The following KAT7 variants were observed in gnomAD, a reference collection of about 807,000 sequenced individuals.
KAT7 encodes the protein histone acetyltransferase KAT7.
In KAT7, 10 loss-of-function variants were observed where a neutral mutation model predicts 82.1. The ratio of observed to expected loss-of-function variants is 0.12; its 90% CI spans 0.08 to 0.21. The LOEUF (loss-of-function observed/expected upper bound fraction) is 0.21. Ranked by LOEUF, KAT7 falls within the 10% of genes least tolerant of loss-of-function variation. The pLI, the probability that KAT7 is intolerant of heterozygous loss-of-function variation, is 1.00. For synonymous variants in KAT7, 250 were observed against 262.5 expected (o/e 0.95, Z 0.46); for missense variants, 378 against 760.9 (o/e 0.50, Z 5.92).
intron 11 of KAT7, among the ~76,000 whole-genome samples, chr17:49,822,632 A>G (rs1318104532): frequency 1.3e-5 from 2 of 152,198 alleles, no homozygotes; most frequent in African/African-American, 2.4e-5. Flanking sequence ...AGTGGTTTAT[A>G]GTGTATTCAC....
At position 49,796,841 on chromosome 17, in the gene KAT7, C is replaced by T; in HGVS notation, c.255C>T (p.Thr85=). The stretch of plus-strand genomic sequence containing the variant: ...TGACCCGTAGTCAGCAGCAGCCTAC[C>T]CCAGTGACACCGAAAAAATACCCTC... ...RRVTRSQQQP[T]PVTPKKYPLR... Residue 85 remains threonine, a synonymous_variant, in exon 3 of 15, where the codon ACC becomes ACT. Coordinates refer to ENST00000259021, the MANE Select transcript of KAT7 (RefSeq NM_007067.5). 6.2e-7 allele frequency: 1 copy of T among 1,614,030 alleles called. No homozygotes were observed. Among genetic ancestry groups the T allele is most frequent in the Non-Finnish European group, 8.5e-7 (1 of 1,179,972 alleles).
chr17:49,820,351 A>G (rs189539785), intron 9 of KAT7, among the ~76,000 whole-genome samples: 243 of 151,500 alleles, frequency 1.6e-3, no homozygotes, highest in African/African-American at 5.5e-3. Context: ...GCAGTGGTGC[A>G]ATGTCGGCTC....
At chr17:49,818,143 A>G (rs1037018317) in intron 9 of KAT7, 132 bp downstream of exon 9, 41 of 683,582 alleles carry the variant, frequency 6.0e-5, no homozygotes, top group Middle Eastern at 7.0e-4. Context: ...AAGGCATAGG[A>G]AATGACAGGC....
intron 4 of KAT7, among the ~76,000 whole-genome samples, chr17:49,799,221 T>C (rs2073993073): frequency 6.6e-6 from 1 of 152,196 alleles, no homozygotes; most frequent in Non-Finnish European, 1.5e-5. Flanking sequence ...TAAGGTTTTG[T>C]CTAGAGTTGG....
At chr17:49,795,214 A>G (rs2073940582) in intron 2 of KAT7, 1 of 154,148 alleles carries the variant, frequency 6.5e-6, no homozygotes, top group African/African-American at 2.4e-5. Context: ...TGATTTCATC[A>G]TTACACAATG....
chr17:49,811,694 A>G (rs974255723), intron 7 of KAT7, 120 bp downstream of exon 7: 9 of 435,074 alleles, frequency 2.1e-5, no homozygotes, highest in African/African-American at 1.6e-4. Flanking sequence ...GTGAATACCA[A>G]TTGACTCTTC....
intron 14 of KAT7, chr17:49,827,011 AC>A: frequency 2.1e-6 from 1 of 479,166 alleles, no homozygotes. Context: ...AATTTGGATG[AC>A]ACAAGTTAAG....
chr17:49,803,890 CT>C lies in KAT7; in HGVS notation c.581-1457del, dbSNP rs750265866. On this transcript the variant is annotated intron_variant, in intron 4 of 14. Transcript: ENST00000259021. The stretch of plus-strand genomic sequence containing the variant: ...TTCTTCTTTACCCCAAATTAAATGT[CT>C]TTTTTTTTTTTTTTTATGAAAGATG... Among the ~76,000 whole-genome samples the C allele has an allele frequency of 5.4e-3, 733 of 134,606 alleles. 2 individuals are homozygous for C. Among genetic ancestry groups the C allele is most frequent in the Middle Eastern group, 0.012 (3 of 258 alleles). The allele number at this position is 134,606 out of a possible 152,430, so 88.3% of individuals were successfully genotyped here. A position where few individuals can be genotyped will look rare whatever the true frequency, so the allele number is the denominator to read the frequency against.
intron 8 of KAT7, among the ~76,000 whole-genome samples, chr17:49,816,604 A>G (rs1950024233): frequency 6.6e-6 from 1 of 152,112 alleles, no homozygotes; most frequent in Admixed American, 6.6e-5. Context: ...AAAAAATTGT[A>G]TCAAATACTA....
intron 3 of KAT7, among the ~76,000 whole-genome samples, chr17:49,797,564 C>T (rs1412705427): frequency 6.6e-6 from 1 of 152,214 alleles, no homozygotes; most frequent in Non-Finnish European, 1.5e-5. Flanking sequence ...ATGCAGAGGT[C>T]ACAGACTGGT....
intron 4 of KAT7, among the ~76,000 whole-genome samples, chr17:49,803,515 C>G (rs1242339427): frequency 6.6e-6 from 1 of 152,134 alleles, no homozygotes; most frequent in African/African-American, 2.4e-5. Flanking sequence ...AGCTCCGCCT[C>G]CCGGGTTCAC....
intron 11 of KAT7, among the ~76,000 whole-genome samples, chr17:49,822,921 T>C (rs1768587041): frequency 6.6e-6 from 1 of 152,192 alleles, no homozygotes; most frequent in Non-Finnish European, 1.5e-5. Flanking sequence ...ATATACTGAG[T>C]CAGCAGTCTT....
At chr17:49,805,328 T>A in intron 4 of KAT7, 35 bp from the exon 5 acceptor site, 1 of 1,432,118 alleles carries the variant, frequency 7.0e-7, no homozygotes, top group Non-Finnish European at 9.8e-7. Context: ...AAGCTTGTCT[T>A]CTTTCTTGAG....
chr17:49,807,552 A>G (rs374924907), intron 5 of KAT7, among the ~76,000 whole-genome samples: 1 of 152,196 alleles, frequency 6.6e-6, no homozygotes, highest in South Asian at 2.1e-4. Context: ...TTTTGTTCTG[A>G]TAGAATGAGA....
At position 49,834,279 on chromosome 17, in the gene KAT7, T is replaced by C. The variant is rs2144023602; in HGVS notation, c.*6777T>C. Reference sequence around the variant, plus strand: ...CCTCCCACCTCAACCTCCAGAGTAGTTGAGACCACAGGCGTGCACTACCAC... The same window carrying C: ...CCTCCCACCTCAACCTCCAGAGTAGCTGAGACCACAGGCGTGCACTACCAC... On this transcript the variant is annotated 3_prime_UTR_variant, in exon 15 of 15. Coordinates refer to ENST00000259021, the MANE Select transcript of KAT7 (RefSeq NM_007067.5). 1 of 152,380 alleles carries C rather than the reference T, an allele frequency of 6.6e-6. No individual in the cohort carries two copies. Among genetic ancestry groups the C allele is most frequent in the Admixed American group, 6.5e-5 (1 of 15,306 alleles). 9.4% of individuals were successfully genotyped at this position (152,380 alleles called of 1,614,324 possible).
chr17:49,821,843 G>C (rs533454511), intron 11 of KAT7, 53 bp downstream of exon 11: 1 of 1,565,772 alleles, frequency 6.4e-7, no homozygotes, highest in Non-Finnish European at 8.8e-7. Context: ...GGTGATCCAT[G>C]TTCGCAGTTG....
At chr17:49,790,852 C>A (rs969844472) in intron 1 of KAT7, among the ~76,000 whole-genome samples, 14 of 152,288 alleles carry the variant, frequency 9.2e-5, no homozygotes, top group African/African-American at 3.4e-4. Context: ...TTGGGACTTA[C>A]AGTGTGAATC....
At chr17:49,789,627 G>T (rs2073858867) in intron 1 of KAT7, 1 of 152,364 alleles carries the variant, frequency 6.6e-6, no homozygotes, top group African/African-American at 2.4e-5. Flanking sequence ...GGCAGTGGCA[G>T]ATCCAGAATA....
chr17:49,789,108 A>T (rs1302288800), intron 1 of KAT7: 2 of 368,332 alleles, frequency 5.4e-6, no homozygotes, highest in Non-Finnish European at 9.9e-6. Flanking sequence ...AACGTCTGGA[A>T]GCATATTGAT....
Sources: gnomAD v4.1 joint callset for allele counts (sites outside exome capture counted in the v4.1 genomes callset) on GRCh38, gnomAD v4.1.1 for gene constraint, MANE v1.5 for transcripts, NCBI Gene and HGNC (gene_info 2026-07-23, HGNC 2026-07-21) for gene names.